ETS1: variants seen among roughly 807,000 people sequenced by gnomAD.
The protein encoded by ETS1 is ETS proto-oncogene 1, transcription factor, also known as protein C-ets-1.
In ETS1, 15 loss-of-function variants were observed where a neutral mutation model predicts 58.6. That is an observed-to-expected ratio of 0.26 (90% confidence interval 0.17 to 0.39). The LOEUF is 0.39. Ranked by LOEUF, ETS1 falls within the 10% of genes least tolerant of loss-of-function variation. The pLI, the probability that ETS1 is intolerant of heterozygous loss-of-function variation, is 1.00. For missense variants in ETS1, 417 were observed against 610.5 expected (o/e 0.68, Z 3.34); for synonymous variants, 214 against 218.2 (o/e 0.98, Z 0.17).
In ETS1 at chr11:128,585,561, T is replaced by C. The variant is rs115502928; in HGVS notation, c.-15+1927A>G. Among the ~76,000 whole-genome samples, 1,425 of 152,326 alleles carry C rather than the reference T, an allele frequency of 9.4e-3. 23 individuals are homozygous for C. The highest frequency in any genetic ancestry group is 0.032 in the African/African-American group (1,323 of 41,562). On this transcript the variant is annotated intron_variant, in intron 1 of 9. Transcript: ENST00000392668. ...GCAATCAAAGAGAGAAATCTGTTGA[T>C]TATTTGTTTGCAGTGTTTTGCCTTC...
chr11:128,481,866 G>A (rs1195879768), intron 7 of ETS1, among the ~76,000 whole-genome samples: 1 of 152,176 alleles, frequency 6.6e-6, no homozygotes, highest in African/African-American at 2.4e-5. Flanking sequence ...TCGGTTGAGT[G>A]TGTACTTTTT....
rs981876083 is a variant in ETS1, at chr11:128,549,055, G to C, written c.214+7236C>G. Among the ~76,000 whole-genome samples, 3 of 152,166 alleles carry C rather than the reference G, an allele frequency of 2.0e-5. No individual in the cohort carries two copies. The highest frequency in any genetic ancestry group is 7.2e-5 in the African/African-American group (3 of 41,452). ...GGAGGCTGGGGGAGGGGAGCGGGCC[G>C]CCTCCTCCAGCTGCAGGCTCCGGGC... On this transcript the variant is annotated intron_variant, in intron 3 of 9. Coordinates refer to ENST00000392668, the MANE Select transcript of ETS1 (RefSeq NM_001143820.2). The surrounding 1 kb of genome is among the most constrained non-coding windows in gnomAD (Gnocchi z 4.3).
At chr11:128,535,960 G>A (rs1863966927) in intron 3 of ETS1, among the ~76,000 whole-genome samples, 1 of 152,126 alleles carries the variant, frequency 6.6e-6, no homozygotes, top group Admixed American at 6.6e-5. Flanking sequence ...ACTTTGTTCT[G>A]GCAAGGTTCC....
intron 3 of ETS1, among the ~76,000 whole-genome samples, chr11:128,532,492 A>G (rs1863913042): frequency 6.6e-6 from 1 of 152,224 alleles, no homozygotes. Flanking sequence ...TGAATGCTGT[A>G]TCATTGGGAA....
intron 8 of ETS1, among the ~76,000 whole-genome samples, chr11:128,473,923 G>A (rs1354389114): frequency 2.0e-5 from 3 of 152,240 alleles, no homozygotes; most frequent in African/African-American, 7.2e-5. Flanking sequence ...AAAGACTGGT[G>A]TGGATGTCTC....
rs1565421441 is a variant in ETS1, at chr11:128,585,088, AAGG to A, written c.-15+2397_-15+2399del. Among the ~76,000 whole-genome samples, 69 of 31,600 alleles carry A rather than the reference AAGG, an allele frequency of 2.2e-3. 1 individual carries two copies. The highest frequency in any genetic ancestry group is 3.8e-3 in the East Asian group (7 of 1,828). 20.7% of individuals were successfully genotyped at this position (31,600 alleles called of 152,430 possible). On this transcript the variant is annotated intron_variant, in intron 1 of 9. Coordinates refer to ENST00000392668, the MANE Select transcript of ETS1 (RefSeq NM_001143820.2). ...AGAAAGAAAGAAAGAGAAAGAAAGA[AAGG>A]AAAGAAAGAAAGGAAGGAAGGAAGG...
At position 128,460,087 on chromosome 11, in the gene ETS1, C is replaced by CAAAA. The variant is rs1555070608; in HGVS notation, c.*2273_*2274insTTTT. 2 of 150,638 alleles carry CAAAA rather than the reference C, an allele frequency of 1.3e-5. No homozygotes were observed. Among genetic ancestry groups the CAAAA allele is most frequent in the Non-Finnish European group, 3.0e-5 (2 of 67,386 alleles). The allele number at this position is 150,638 out of a possible 1,614,324, so 9.3% of individuals were successfully genotyped here. A position where few individuals can be genotyped will look rare whatever the true frequency, so the allele number is the denominator to read the frequency against. On this transcript the variant is annotated 3_prime_UTR_variant, in exon 10 of 10. Coordinates refer to ENST00000392668, the MANE Select transcript of ETS1 (RefSeq NM_001143820.2). ...ATGTCTGCAAACACACACACACACA[C>CAAAA]ACACACACACACACACACACACACA...
At chr11:128,553,415 T>A (rs1447938104) in intron 3 of ETS1, among the ~76,000 whole-genome samples, 2 of 152,142 alleles carry the variant, frequency 1.3e-5, no homozygotes, top group Admixed American at 6.5e-5. Context: ...TGCCTTGTCT[T>A]TTTCTGGGCT....
At chr11:128,585,094 A>G (rs1295719065) in intron 1 of ETS1, among the ~76,000 whole-genome samples, 2 of 32,172 alleles carry the variant, frequency 6.2e-5, no homozygotes, top group African/African-American at 2.7e-4. Context: ...AAGAAAGGAA[A>G]GAAAGAAAGG....
chr11:128,551,334 C>G (rs1031805432), intron 3 of ETS1, among the ~76,000 whole-genome samples: 4 of 152,220 alleles, frequency 2.6e-5, no homozygotes, highest in African/African-American at 9.6e-5. Context: ...ATAGCCCTTT[C>G]CAAACACTGG....
chr11:128,492,420 C>T (rs1862826429), intron 3 of ETS1, among the ~76,000 whole-genome samples: 2 of 151,976 alleles, frequency 1.3e-5, no homozygotes, highest in South Asian at 2.2e-4. Flanking sequence ...TGCTAGAGTC[C>T]AGGCTGTGCC....
intron 3 of ETS1, among the ~76,000 whole-genome samples, chr11:128,512,643 G>A (rs1863421315): frequency 1.3e-5 from 2 of 152,256 alleles, no homozygotes; most frequent in Admixed American, 1.3e-4. Flanking sequence ...GTCCAGTGAA[G>A]GATCAGCCGG....
intron 3 of ETS1, among the ~76,000 whole-genome samples, chr11:128,495,761 T>G (rs1034803315): frequency 2.0e-5 from 3 of 152,220 alleles, no homozygotes; most frequent in Non-Finnish European, 4.4e-5. Context: ...GATAACTTGT[T>G]GATCAAAATC....
intron 2 of ETS1, among the ~76,000 whole-genome samples, chr11:128,569,315 C>CTTCTTTTTTT (rs1864573557): frequency 2.8e-5 from 1 of 35,132 alleles, no homozygotes; most frequent in Non-Finnish European, 6.1e-5. Context: ...GACAGAGTTT[C>CTTCTTTTTTT]TTCTTTTTTT....
At chr11:128,540,894 G>C (rs1052845618) in intron 3 of ETS1, among the ~76,000 whole-genome samples, 1 of 152,172 alleles carries the variant, frequency 6.6e-6, no homozygotes. Context: ...ATCAACACAG[G>C]AGAGAGAAGA....
rs531114610 is a variant in ETS1 at position 128,549,257 on chromosome 11, G to GCGCCCCTCGCCCCTCGCCCCTCGCCCCT, written c.214+7006_214+7033dup. Among the ~76,000 whole-genome samples the GCGCCCCTCGCCCCTCGCCCCTCGCCCCT allele has an allele frequency of 3.1e-5, 4 of 129,664 alleles. No individual in the cohort carries two copies. The highest frequency in any genetic ancestry group is 1.2e-4 in the African/African-American group (4 of 34,032). 85.1% of individuals were successfully genotyped at this position (129,664 alleles called of 152,430 possible). A position where few individuals can be genotyped will look rare whatever the true frequency, so the allele number is the denominator to read the frequency against. ...GCCCGCCCCCACCCTCCACTCTCAC[G>GCGCCCCTCGCCCCTCGCCCCTCGCCCCT]CGCCCCTCGCCCCTCGCCCCTCGCC... On this transcript the variant is annotated intron_variant, in intron 3 of 9. Transcript: ENST00000392668. This position sits in a 1 kb window ranked among gnomAD's most constrained non-coding sequence, Gnocchi z 4.3.
intron 2 of ETS1, among the ~76,000 whole-genome samples, chr11:128,563,568 G>A (rs1168439936): frequency 1.3e-5 from 2 of 152,104 alleles, no homozygotes; most frequent in Non-Finnish European, 2.9e-5. Context: ...CATTTTTGCT[G>A]ATCCATCCAC....
intron 5 of ETS1, 144 bp downstream of exon 5, chr11:128,489,146 G>C (rs946404094): frequency 4.9e-5 from 35 of 711,270 alleles, no homozygotes; most frequent in Middle Eastern, 3.1e-4. Flanking sequence ...ATGCTGAGCA[G>C]TGTACTAGGC....
chr11:128,507,671 C>T (rs1043436256), intron 3 of ETS1, among the ~76,000 whole-genome samples: 1 of 152,150 alleles, frequency 6.6e-6, no homozygotes, highest in African/African-American at 2.4e-5. Context: ...TTTCTGGGGA[C>T]AGGAGGGACA....
Sources: gnomAD v4.1 joint callset for allele counts (sites outside exome capture counted in the v4.1 genomes callset) on GRCh38, gnomAD v4.1.1 for gene constraint, Gnocchi (gnomAD v3.1) non-coding constraint, MANE v1.5 for transcripts, NCBI Gene and HGNC (gene_info 2026-07-23, HGNC 2026-07-21) for gene names.